The following SDK1 variants were observed in gnomAD, a reference collection of about 807,000 sequenced individuals.
The protein encoded by SDK1 is protein sidekick-1.
Under a neutral mutation model 245.5 loss-of-function variants are expected in SDK1, and 157 were observed. The observed-to-expected ratio is 0.64, with a 90% CI of 0.56 to 0.73. SDK1 has a LOEUF of 0.73. SDK1 is among the 30% of genes least tolerant of loss of function. SDK1 has a pLI of 0.00. For missense variants in SDK1, 3,583 were observed against 3,002.3 expected, an observed-to-expected ratio of 1.19 and a Z score of -4.52; for synonymous variants, 1,647 against 1,278.5, an observed-to-expected ratio of 1.29 and a Z score of -6.15.
chr7:3,452,464 T>C (rs962952138), intron 1 of SDK1, among the ~76,000 whole-genome samples: 1 of 152,168 alleles, frequency 6.6e-6, no homozygotes, highest in African/African-American at 2.4e-5. Flanking sequence ...GTAATAAAGG[T>C]AACCTTATAA....
intron 1 of SDK1, among the ~76,000 whole-genome samples, chr7:3,442,551 G>A (rs1045789463): frequency 1.3e-5 from 2 of 152,172 alleles, no homozygotes; most frequent in Non-Finnish European, 2.9e-5. Flanking sequence ...GTGGTTGAGG[G>A]CATGAAGTCA....
intron 1 of SDK1, among the ~76,000 whole-genome samples, chr7:3,441,413 A>G (rs975892411): frequency 7.9e-5 from 12 of 152,148 alleles, no homozygotes; most frequent in Admixed American, 6.5e-4. Context: ...AAAAAAAACC[A>G]AAATCTCTTT....
At chr7:4,173,384 A>G (rs1191171938) in intron 32 of SDK1, among the ~76,000 whole-genome samples, 1 of 152,046 alleles carries the variant, frequency 6.6e-6, no homozygotes, top group Non-Finnish European at 1.5e-5. Context: ...GTACTTATAA[A>G]CAGAAACCGA....
Position 4,098,406 on chromosome 7 carries a change from C to G in SDK1, c.3325-12257C>G, listed in dbSNP as rs573319608. Among the ~76,000 whole-genome samples, 202 of 152,300 alleles carry G rather than the reference C, an allele frequency of 1.3e-3. No individual in the cohort carries two copies. The Middle Eastern group carries it at 0.017, about 13-fold the overall frequency. Reference sequence around the variant, plus strand: ...CATTCCCTGCTCCGATTCCTTCATCCTAATTCTCTTGTTGGATTTTTTTAG... The same window carrying G: ...CATTCCCTGCTCCGATTCCTTCATCGTAATTCTCTTGTTGGATTTTTTTAG... On this transcript the variant is annotated intron_variant, in intron 22 of 44. Coordinates refer to ENST00000404826, the MANE Select transcript of SDK1 (RefSeq NM_152744.4).
At chr7:4,121,903 GA>G (rs1045820047) in intron 25 of SDK1, among the ~76,000 whole-genome samples, 66 of 152,210 alleles carry the variant, frequency 4.3e-4, no homozygotes, top group African/African-American at 1.5e-3. Context: ...ATTGCTCTGG[GA>G]AAAAAAGTTT....
chr7:3,748,362 G>T (rs1779684756), intron 4 of SDK1, among the ~76,000 whole-genome samples: 2 of 152,120 alleles, frequency 1.3e-5, no homozygotes, highest in Admixed American at 1.3e-4. Context: ...TGTACTATTT[G>T]AGAAAAACAG....
intron 1 of SDK1, among the ~76,000 whole-genome samples, chr7:3,543,790 A>T (rs986984480): frequency 6.6e-6 from 1 of 152,178 alleles, no homozygotes; most frequent in Middle Eastern, 3.2e-3. Context: ...TTTTGGGTGT[A>T]TTCTGTACGA....
At chr7:3,954,522 C>G in intron 7 of SDK1, among the ~76,000 whole-genome samples, 1 of 20,282 alleles carries the variant, frequency 4.9e-5, no homozygotes, top group Non-Finnish European at 9.5e-5. Flanking sequence ...ACACCCTCCT[C>G]TCCCCTCCCA....
At chr7:3,799,067 T>G (rs1258421720) in intron 4 of SDK1, among the ~76,000 whole-genome samples, 2 of 152,242 alleles carry the variant, frequency 1.3e-5, no homozygotes, top group African/African-American at 4.8e-5. Flanking sequence ...TCAATCATTA[T>G]TTGTAATTGT....
intron 5 of SDK1, among the ~76,000 whole-genome samples, chr7:3,940,624 A>T (rs540985152): frequency 2.0e-5 from 3 of 151,644 alleles, no homozygotes; most frequent in Non-Finnish European, 4.4e-5. Flanking sequence ...ACTTTGGGAG[A>T]CCAGCCTGGG....
intron 20 of SDK1, 97 bp downstream of exon 20, chr7:4,068,033 C>G: frequency 2.4e-6 from 2 of 825,858 alleles, no homozygotes; most frequent in Non-Finnish European, 3.9e-6. Context: ...AGCATGGACC[C>G]GTGCCCATGG....
chr7:3,470,337 G>A (rs6964838), intron 1 of SDK1, among the ~76,000 whole-genome samples: 58,281 of 151,902 alleles, frequency 0.38, 12,485 homozygotes, highest in East Asian at 0.5. Flanking sequence ...GTGCCTCAGA[G>A]ATAGTCAAGG....
chr7:3,529,276 A>T (rs765185363), intron 1 of SDK1, among the ~76,000 whole-genome samples: 7 of 152,340 alleles, frequency 4.6e-5, no homozygotes, highest in African/African-American at 1.7e-4. Flanking sequence ...GAGTTTGCCA[A>T]CTGCCTAGAT....
At chr7:3,638,335 G>A (rs1052581620) in intron 2 of SDK1, among the ~76,000 whole-genome samples, 14 of 152,242 alleles carry the variant, frequency 9.2e-5, no homozygotes, top group Non-Finnish European at 1.3e-4. Context: ...ACGTGCACAC[G>A]TATGTTTATT....
chr7:4,133,680 C>G (rs1785011684), intron 28 of SDK1, among the ~76,000 whole-genome samples: 1 of 152,138 alleles, frequency 6.6e-6, no homozygotes, highest in South Asian at 2.1e-4. Flanking sequence ...TGGGCCGGGT[C>G]TTGAGCTACT....
intron 1 of SDK1, among the ~76,000 whole-genome samples, chr7:3,533,461 T>C (rs972198437): frequency 4.6e-5 from 7 of 152,222 alleles, no homozygotes; most frequent in Non-Finnish European, 8.8e-5. Flanking sequence ...ATCCTATGTA[T>C]TCTCCAGGCA....
At chr7:3,487,087 T>C (rs1034602223) in intron 1 of SDK1, among the ~76,000 whole-genome samples, 5 of 152,194 alleles carry the variant, frequency 3.3e-5, no homozygotes, top group African/African-American at 9.7e-5. Flanking sequence ...TTACACAATA[T>C]GTAAATGCAA....
intron 4 of SDK1, among the ~76,000 whole-genome samples, chr7:3,701,144 C>G (rs1035654365): frequency 3.3e-5 from 5 of 152,150 alleles, no homozygotes; most frequent in Non-Finnish European, 7.3e-5. Context: ...AATCACATTT[C>G]TATACAGTAG....
intron 1 of SDK1, among the ~76,000 whole-genome samples, chr7:3,502,144 A>G (rs892369330): frequency 1.3e-5 from 2 of 152,142 alleles, no homozygotes; most frequent in African/African-American, 2.4e-5. Flanking sequence ...TCAGGTGTAC[A>G]CAAGGATTAT....
Sources: allele counts gnomAD v4.1 joint callset (sites outside exome capture counted in the v4.1 genomes callset), GRCh38; gene constraint gnomAD v4.1.1; transcripts MANE v1.5; gene names NCBI Gene and HGNC (gene_info 2026-07-23, HGNC 2026-07-21).